PRDM5: variants seen among roughly 807,000 people sequenced by gnomAD.
PRDM5 encodes the protein PR domain zinc finger protein 5.
In PRDM5, 56 loss-of-function variants were observed where a neutral mutation model predicts 81.2. The ratio of observed to expected loss-of-function variants is 0.69; its 90% confidence interval spans 0.56 to 0.86. PRDM5 has a LOEUF of 0.86. Among genes scored for constraint, PRDM5 ranks in the 40% least tolerant of loss-of-function variants. The pLI, the probability that PRDM5 is intolerant of heterozygous loss-of-function variation, is 0.00. For synonymous variants in PRDM5, 267 were observed against 256.4 expected (o/e 1.04, Z -0.39); for missense variants, 697 against 770.1 (o/e 0.91, Z 1.12).
intron 3 of PRDM5, among the ~76,000 whole-genome samples, chr4:120,832,737 A>G (rs1292836421): frequency 2.0e-5 from 3 of 152,178 alleles, no homozygotes; most frequent in Non-Finnish European, 4.4e-5. Context: ...AAAGGCAAGA[A>G]TGTCATTCAG....
In PRDM5 at chr4:120,799,919, A is replaced by C. The variant is rs112970360; in HGVS notation, c.946-174T>G. ...TATATACACTGAAAATGCAGTGGACATAAGTTATGTAGTAAAAAATATCTT... is the reference window on the plus strand; with the variant it reads ...TATATACACTGAAAATGCAGTGGACCTAAGTTATGTAGTAAAAAATATCTT... On this transcript the variant is annotated intron_variant, in intron 8 of 15. Transcript: ENST00000264808. 2.0e-5 allele frequency among the ~76,000 whole-genome samples: 3 copies of C among 152,232 alleles called. No individual in the cohort carries two copies. The East Asian group carries it at 5.8e-4, about 29-fold the overall frequency.
chr4:120,803,543 G>A (rs1463418530), intron 8 of PRDM5, among the ~76,000 whole-genome samples: 1 of 152,158 alleles, frequency 6.6e-6, no homozygotes, highest in Non-Finnish European at 1.5e-5. Flanking sequence ...GAGAGTGAGG[G>A]CCAATATCCA....
chr4:120,740,702 C>A (rs1209119968), intron 14 of PRDM5, among the ~76,000 whole-genome samples: 1 of 152,192 alleles, frequency 6.6e-6, no homozygotes, highest in Non-Finnish European at 1.5e-5. Flanking sequence ...TCACCTGGCT[C>A]CATCGTGTCT....
chr4:120,687,399 C>T (rs567429674), downstream of PRDM5, among the ~76,000 whole-genome samples: 104 of 152,198 alleles, frequency 6.8e-4, no homozygotes, highest in South Asian at 7.3e-3. Context: ...CTTTTTCTAA[C>T]TGGCTTATTT....
At chr4:120,764,618 T>C (rs969101787) in intron 13 of PRDM5, among the ~76,000 whole-genome samples, 6 of 151,718 alleles carry the variant, frequency 4.0e-5, no homozygotes, top group African/African-American at 7.3e-5. Context: ...GTACATTCCA[T>C]TGATGTGGTT....
chr4:120,745,174 C>G (rs1742796030), intron 14 of PRDM5, among the ~76,000 whole-genome samples: 1 of 103,318 alleles, frequency 9.7e-6, no homozygotes, highest in Non-Finnish European at 1.9e-5. Flanking sequence ...GAGCCAAAGA[C>G]AAAAACCACA....
At chr4:120,741,709 G>A (rs866712669) in intron 14 of PRDM5, among the ~76,000 whole-genome samples, 5 of 152,058 alleles carry the variant, frequency 3.3e-5, no homozygotes, top group African/African-American at 4.8e-5. Flanking sequence ...CGAATACTGC[G>A]CTTTTCCGAC....
At position 120,693,299 on chromosome 4, in the gene PRDM5, T is replaced by A. The variant is rs1734201102; in HGVS notation, c.*1812A>T. On this transcript the variant is annotated 3_prime_UTR_variant, in exon 16 of 16. Coordinates refer to ENST00000264808, the MANE Select transcript of PRDM5 (RefSeq NM_018699.4). ...AGAGAAAGCAGCATTCAAAGAAATA[T>A]ACAGGATGTGCTTAAATAATACACA... 6.6e-6 allele frequency: 1 copy of A among 152,116 alleles called. No individual in the cohort carries two copies. The highest frequency in any genetic ancestry group is 2.4e-5 in the African/African-American group (1 of 41,446). 9.4% of individuals were successfully genotyped at this position (152,116 alleles called of 1,614,324 possible). A position where few individuals can be genotyped will look rare whatever the true frequency, so the allele number is the denominator to read the frequency against.
intron 14 of PRDM5, among the ~76,000 whole-genome samples, chr4:120,717,690 C>G (rs1046297607): frequency 6.6e-6 from 1 of 152,142 alleles, no homozygotes; most frequent in African/African-American, 2.4e-5. Flanking sequence ...ATCAGACAGG[C>G]TACCAAGGAT....
chr4:120,830,733 T>A (rs1756613808), intron 3 of PRDM5, among the ~76,000 whole-genome samples: 1 of 151,972 alleles, frequency 6.6e-6, no homozygotes, highest in Non-Finnish European at 1.5e-5. Flanking sequence ...AAAAATGAAG[T>A]TTCAAACAAC....
intron 10 of PRDM5, among the ~76,000 whole-genome samples, chr4:120,788,473 A>G (rs1282863380): frequency 1.3e-5 from 2 of 152,198 alleles, no homozygotes; most frequent in African/African-American, 4.8e-5. Context: ...TTTCTTTGCT[A>G]CTTAGATTTT....
intron 3 of PRDM5, among the ~76,000 whole-genome samples, chr4:120,823,513 A>G (rs940605011): frequency 5.5e-4 from 83 of 152,186 alleles, no homozygotes; most frequent in African/African-American, 1.9e-3. Flanking sequence ...AATTCCAACC[A>G]CTGTGCAGAC....
At chr4:120,848,572 A>G (rs1419378629) in intron 3 of PRDM5, among the ~76,000 whole-genome samples, 1 of 152,186 alleles carries the variant, frequency 6.6e-6, no homozygotes, top group East Asian at 1.9e-4. Flanking sequence ...TAAATACATT[A>G]ATAAGTGAAT....
chr4:120,713,557 C>T (rs1201850263), intron 14 of PRDM5, among the ~76,000 whole-genome samples: 2 of 152,054 alleles, frequency 1.3e-5, no homozygotes, highest in African/African-American at 4.8e-5. Context: ...GATCCTTTCC[C>T]CTGGTACTAC....
chr4:120,736,326 C>A (rs1363488848), intron 14 of PRDM5, among the ~76,000 whole-genome samples: 2 of 151,964 alleles, frequency 1.3e-5, no homozygotes, highest in African/African-American at 4.8e-5. Context: ...CTGCAACAAA[C>A]ACGAGAGCAG....
intron 2 of PRDM5, among the ~76,000 whole-genome samples, chr4:120,869,821 A>C (rs1761587952): frequency 6.6e-6 from 1 of 152,202 alleles, no homozygotes; most frequent in Non-Finnish European, 1.5e-5. Context: ...ACCTCATGTC[A>C]ACACACAGAG....
chr4:120,698,185 A>G (rs542114542), intron 15 of PRDM5, among the ~76,000 whole-genome samples: 2 of 152,308 alleles, frequency 1.3e-5, no homozygotes, highest in South Asian at 4.1e-4. Flanking sequence ...GTCCACTCAC[A>G]TCAGACTTCT....
At chr4:120,764,440 G>A (rs1746084530) in intron 13 of PRDM5, among the ~76,000 whole-genome samples, 2 of 151,954 alleles carry the variant, frequency 1.3e-5, no homozygotes, top group Admixed American at 6.6e-5. Context: ...TTTTACATTA[G>A]AAAATTAGGG....
chr4:120,798,903 A>G (rs1028769729), intron 9 of PRDM5, among the ~76,000 whole-genome samples: 2 of 152,210 alleles, frequency 1.3e-5, no homozygotes, highest in African/African-American at 4.8e-5. Flanking sequence ...TCCATATAAC[A>G]TTGACACCTA....
Sources: allele counts gnomAD v4.1 joint callset (sites outside exome capture counted in the v4.1 genomes callset), GRCh38; gene constraint gnomAD v4.1.1; transcripts MANE v1.5; gene names NCBI Gene and HGNC (gene_info 2026-07-23, HGNC 2026-07-21).